The following SYT1 variants were observed in gnomAD, a reference collection of about 807,000 sequenced individuals.
SYT1 encodes synaptotagmin-1.
In SYT1, 8 loss-of-function variants were observed where a neutral mutation model predicts 44.8. That is an observed-to-expected ratio of 0.18 (90% CI 0.10 to 0.32). SYT1 has a LOEUF of 0.32. SYT1 is among the 10% of genes least tolerant of loss of function. SYT1 has a pLI of 1.00. For missense variants in SYT1, 286 were observed against 509.3 expected, an observed-to-expected ratio of 0.56 and a Z score of 4.22; for synonymous variants, 154 against 188.8, an observed-to-expected ratio of 0.82 and a Z score of 1.51.
chr12:79,000,396 C>T (rs570673500), intron 2 of SYT1, among the ~76,000 whole-genome samples: 2 of 149,624 alleles, frequency 1.3e-5, no homozygotes, highest in Admixed American at 6.7e-5. Context: ...TGGGTTCAAG[C>T]GATTCTCCTG....
chr12:79,179,196 A>C (rs1319755801), intron 3 of SYT1, among the ~76,000 whole-genome samples: 3 of 44,576 alleles, frequency 6.7e-5, no homozygotes, highest in East Asian at 5.1e-4. Flanking sequence ...ATAGATATAG[A>C]TATATAGATA....
intron 1 of SYT1, among the ~76,000 whole-genome samples, chr12:78,966,306 T>C (rs1372072114): frequency 6.6e-6 from 1 of 152,088 alleles, no homozygotes; most frequent in Non-Finnish European, 1.5e-5. Context: ...ATTTGAATCG[T>C]TTATTTGTCA....
At chr12:78,899,559 A>G (rs896365515) in intron 1 of SYT1, among the ~76,000 whole-genome samples, 6 of 152,028 alleles carry the variant, frequency 3.9e-5, no homozygotes, top group African/African-American at 1.4e-4. Context: ...AATCTACTCT[A>G]TTTAAAAGTT....
chr12:79,435,862 G>C (rs1196503806), intron 9 of SYT1, among the ~76,000 whole-genome samples: 1 of 152,114 alleles, frequency 6.6e-6, no homozygotes, highest in African/African-American at 2.4e-5. Flanking sequence ...CTCTCTCCTA[G>C]TAATGACAAT....
chr12:79,294,580 A>G (rs949763313), intron 6 of SYT1, among the ~76,000 whole-genome samples: 5 of 152,192 alleles, frequency 3.3e-5, no homozygotes, highest in African/African-American at 4.8e-5. Flanking sequence ...TATTAACAAA[A>G]TATCCAAAAA....
chr12:78,968,064 A>C (rs1868290105), intron 1 of SYT1, among the ~76,000 whole-genome samples: 1 of 152,148 alleles, frequency 6.6e-6, no homozygotes, highest in Admixed American at 6.5e-5. Flanking sequence ...TTACATATCT[A>C]TATATGGAAG....
intron 1 of SYT1, among the ~76,000 whole-genome samples, chr12:78,876,748 ATTGTATATT>A (rs1565697502): frequency 5.6e-5 from 4 of 71,566 alleles, no homozygotes; most frequent in African/African-American, 2.2e-4. Context: ...TATATTATAT[ATTGTATATT>A]ATATATATTA....
At chr12:79,076,128 G>A (rs889350198) in intron 3 of SYT1, among the ~76,000 whole-genome samples, 1 of 152,096 alleles carries the variant, frequency 6.6e-6, no homozygotes, top group South Asian at 2.1e-4. Flanking sequence ...TGAAGAAGTG[G>A]ATAGTTGTGG....
chr12:79,059,077 TG>T (rs1875179503), intron 3 of SYT1, among the ~76,000 whole-genome samples: 1 of 151,862 alleles, frequency 6.6e-6, no homozygotes, highest in Non-Finnish European at 1.5e-5. Flanking sequence ...AGAAGGTGAA[TG>T]GGGGTCAAAG....
intron 1 of SYT1, chr12:78,964,100 C>T (rs1344544064): frequency 6.6e-6 from 1 of 152,120 alleles, no homozygotes; most frequent in Non-Finnish European, 1.5e-5. Context: ...AGGCCCCACC[C>T]AACTAATTTT....
rs73354768 is a variant in SYT1, at chr12:79,386,899, C to T, written c.928+33280C>T. Among the ~76,000 whole-genome samples the T allele has an allele frequency of 4.7e-3, 714 of 152,208 alleles. 7 individuals are homozygous for T. The highest frequency in any genetic ancestry group is 0.016 in the African/African-American group (682 of 41,536). ...GTGTGCACTCTCCTTATCTTTCTTG[C>T]TTTCTCTCTCAACGTTAAATTCACA... On this transcript the variant is annotated intron_variant, in intron 9 of 10. Transcript: ENST00000261205.
chr12:79,378,715 G>A (rs1884098536), intron 9 of SYT1, among the ~76,000 whole-genome samples: 1 of 152,122 alleles, frequency 6.6e-6, no homozygotes, highest in African/African-American at 2.4e-5. Flanking sequence ...GCATTAAATT[G>A]CTAACTCATG....
intron 3 of SYT1, among the ~76,000 whole-genome samples, chr12:79,153,292 A>G (rs1870393614): frequency 6.6e-6 from 1 of 152,182 alleles, no homozygotes; most frequent in Non-Finnish European, 1.5e-5. Context: ...CAATCAGATC[A>G]AATTCACCTG....
intron 4 of SYT1, among the ~76,000 whole-genome samples, chr12:79,272,664 C>A (rs1256581933): frequency 1.3e-5 from 2 of 151,944 alleles, no homozygotes. Flanking sequence ...AGTAACTGAA[C>A]GAGTAGTGAG....
chr12:79,203,093 A>AT (rs577506960), intron 3 of SYT1, among the ~76,000 whole-genome samples: 9,366 of 151,926 alleles, frequency 0.062, 575 homozygotes, highest in African/African-American at 0.16. Context: ...ATGGAAAAAA[A>AT]AATTTTTTTA....
chr12:79,407,718 TG>T (rs899850537), intron 9 of SYT1, among the ~76,000 whole-genome samples: 2 of 152,080 alleles, frequency 1.3e-5, no homozygotes, highest in African/African-American at 4.8e-5. Context: ...TGGCCCCTCC[TG>T]AAATCAGAAG....
chr12:79,303,998 C>A (rs1880273226), intron 8 of SYT1, among the ~76,000 whole-genome samples: 1 of 152,140 alleles, frequency 6.6e-6, no homozygotes, highest in African/African-American at 2.4e-5. Context: ...AACATGGATG[C>A]CAATAAGAAC....
intron 4 of SYT1, among the ~76,000 whole-genome samples, chr12:79,275,803 G>A (rs1325097602): frequency 1.3e-5 from 2 of 152,136 alleles, no homozygotes; most frequent in Non-Finnish European, 2.9e-5. Context: ...AAAAAATACT[G>A]AGGGTGTGGG....
At chr12:78,940,409 G>T (rs921994155) in intron 1 of SYT1, among the ~76,000 whole-genome samples, 1 of 152,128 alleles carries the variant, frequency 6.6e-6, no homozygotes, top group African/African-American at 2.4e-5. Context: ...TAATTTTAAA[G>T]AGACAGTGAC....
Sources: gnomAD v4.1 joint callset for allele counts (sites outside exome capture counted in the v4.1 genomes callset) on GRCh38, gnomAD v4.1.1 for gene constraint, MANE v1.5 for transcripts, NCBI Gene and HGNC (gene_info 2026-07-23, HGNC 2026-07-21) for gene names.